Variants in ABR observed in about 807,000 individuals in gnomAD.
ABR encodes ABR activator of RhoGEF and GTPase.
Under a neutral mutation model 107.2 loss-of-function variants are expected in ABR, and 35 were observed. The observed-to-expected ratio is 0.33, with a 90% CI of 0.25 to 0.43. ABR has a LOEUF of 0.43. Among genes scored for constraint, ABR ranks in the 20% least tolerant of loss-of-function variants. The pLI is 1.00. For synonymous variants in ABR, 498 were observed against 462.0 expected, an observed-to-expected ratio of 1.08 and a Z score of -1.00; for missense variants, 815 against 1,115.2, an observed-to-expected ratio of 0.73 and a Z score of 3.83.
chr17:1,225,893 T>C (rs1471367077), intron 1 of ABR, among the ~76,000 whole-genome samples: 1 of 152,202 alleles, frequency 6.6e-6, no homozygotes, highest in Non-Finnish European at 1.5e-5. Context: ...ACAGGCAGTC[T>C]AGCTTCAGAA....
intron 4 of ABR, among the ~76,000 whole-genome samples, chr17:1,087,778 C>G (rs981072731): frequency 6.6e-6 from 1 of 152,158 alleles, no homozygotes; most frequent in Non-Finnish European, 1.5e-5. Context: ...CCTGGAGGCC[C>G]GGGTTGGCAC....
At chr17:1,100,862 C>T in intron 2 of ABR, 127 bp from the exon 3 acceptor site, 2 of 880,522 alleles carry the variant, frequency 2.3e-6, no homozygotes, top group Admixed American at 2.2e-5. Flanking sequence ...CTCGCTCTGT[C>T]ACCTAGGCTG....
chr17:1,145,368 C>G (rs1380252149), intron 1 of ABR, among the ~76,000 whole-genome samples: 5 of 152,254 alleles, frequency 3.3e-5, no homozygotes, highest in African/African-American at 1.2e-4. Flanking sequence ...CTTCCTGCTT[C>G]CCCTCCGAAC....
chr17:1,211,498 G>A (rs995552135), intron 1 of ABR, among the ~76,000 whole-genome samples: 6 of 151,960 alleles, frequency 3.9e-5, no homozygotes, highest in African/African-American at 1.5e-4. Context: ...AACAAAGCGT[G>A]AATCATAGGA....
chr17:1,196,328 G>A (rs2042564347), intron 1 of ABR, among the ~76,000 whole-genome samples: 1 of 151,946 alleles, frequency 6.6e-6, no homozygotes, highest in African/African-American at 2.4e-5. Context: ...TACTCGGGAG[G>A]CTGAGGCAGG....
In ABR at chr17:1,179,233, G is replaced by A. The variant is rs889844024; in HGVS notation, c.61+434C>T. ...TGGGGTGGCAAACTCGGGTGCCAAC[G>A]ACTGCTCCCAAAACGGCCTTTCGGC... is the stretch of plus-strand genomic sequence containing the variant. On this transcript the variant is annotated intron_variant, in intron 1 of 22. Transcript: ENST00000302538. The surrounding 1 kb of genome is among the most constrained non-coding windows in gnomAD (Gnocchi z 4.9). Among the ~76,000 whole-genome samples, 2 of 151,604 alleles carry A rather than the reference G, an allele frequency of 1.3e-5. No individual in the cohort carries two copies. The highest frequency in any genetic ancestry group is 4.8e-5 in the African/African-American group (2 of 41,290).
chr17:1,096,809 G>A (rs184861062), intron 3 of ABR, among the ~76,000 whole-genome samples: 4 of 147,640 alleles, frequency 2.7e-5, no homozygotes, highest in Non-Finnish European at 4.5e-5. Context: ...AACCTGCCCC[G>A]GGAGGAGAGA....
At chr17:1,204,123 G>T (rs1239291482) in intron 1 of ABR, among the ~76,000 whole-genome samples, 4 of 152,188 alleles carry the variant, frequency 2.6e-5, no homozygotes, top group Non-Finnish European at 5.9e-5. Flanking sequence ...TCCACCAGGG[G>T]CATCTTAGTC....
chr17:1,006,099 T>C lies in ABR; in HGVS notation c.2561A>G (p.Tyr854Cys). The C allele has an allele frequency of 6.3e-7, 1 of 1,576,676 alleles. No homozygotes were observed. Among genetic ancestry groups the C allele is most frequent in the South Asian group, 1.2e-5 (1 of 85,918 alleles). The change falls in exon 23 of 23, where the codon TAC becomes TGC. Residue 854 changes from tyrosine (Y) to cysteine (C), a missense_variant. This residue lies in a region of ABR where 34 missense variants were observed against 26.8 expected (regional missense o/e 1.27). Coordinates refer to ENST00000302538, the MANE Select transcript of ABR (RefSeq NM_021962.5). Reference sequence around the variant, plus strand: ...CTCGGGCTACACGTCGGTGGAGAAGTACAGTGTGTTCCGCTTGAGTTCTGC... The same window carrying C: ...CTCGGGCTACACGTCGGTGGAGAAGCACAGTGTGTTCCGCTTGAGTTCTGC... ...SFAELKRNTLYFSTDV is the reference protein window; with the variant it reads ...SFAELKRNTLCFSTDV
At position 1,125,348 on chromosome 17, in the gene ABR, G is replaced by C. The variant is rs753890821; in HGVS notation, c.81C>G (p.Asp27Glu). 2 of 1,613,560 alleles carry C rather than the reference G, an allele frequency of 1.2e-6. No individual in the cohort carries two copies. Among genetic ancestry groups the C allele is most frequent in the East Asian group, 2.2e-5 (1 of 44,880 alleles). ...CCTCATTCCCCTCTCCGTCGTACTC[G>C]TCCGTCCCGTAGCTGAAGTCTGAGA... ...TLYSNFSYGT[D>E]EYDGEGNEEQ... is the part of the protein sequence containing the mutation. Residue 27 changes from aspartate to glutamate, a missense_variant, in exon 2 of 23, where the codon GAC (aspartate) becomes GAG (glutamate). Physicochemically the swap from Asp to Glu is conservative, Grantham distance 45. This residue lies in a region of ABR where 129 missense variants were observed against 124.8 expected (regional missense o/e 1.03). Coordinates refer to ENST00000302538, the MANE Select transcript of ABR (RefSeq NM_021962.5).
Position 1,057,822 on chromosome 17 carries a change from C to A in ABR, c.1381+148G>T, listed in dbSNP as rs2033509516. On this transcript the variant is annotated intron_variant, in intron 12 of 22. Coordinates refer to ENST00000302538, the MANE Select transcript of ABR (RefSeq NM_021962.5). The stretch of plus-strand genomic sequence containing the variant: ...TAGATTCTTTGGGTCTCAATTAATC[C>A]GTAACATCCTTAAACGCTCACCCTG... 7.5e-6 allele frequency: 5 copies of A among 665,718 alleles called. No individual in the cohort carries two copies. In the South Asian group the frequency reaches 8.6e-5, roughly 12 times the overall value. 41.2% of individuals were successfully genotyped at this position (665,718 alleles called of 1,614,324 possible).
At chr17:1,023,087 A>G (rs900067632) in intron 16 of ABR, among the ~76,000 whole-genome samples, 5 of 144,836 alleles carry the variant, frequency 3.5e-5, no homozygotes, top group South Asian at 4.4e-4. Flanking sequence ...CCCCACGTCC[A>G]CTGCAGAGCC....
At chr17:1,189,406 A>G (rs1269524724), upstream of ABR, among the ~76,000 whole-genome samples, 1 of 148,076 alleles carries the variant, frequency 6.8e-6, no homozygotes, top group Non-Finnish European at 1.5e-5. Context: ...CTGGAGTGCA[A>G]TGGTGCAATC....
At chr17:1,049,365 G>A (rs535532083) in intron 16 of ABR, among the ~76,000 whole-genome samples, 11 of 151,872 alleles carry the variant, frequency 7.2e-5, no homozygotes, top group African/African-American at 2.7e-4. Context: ...ATGGGGTTTC[G>A]CCATGTTGGC....
intron 1 of ABR, among the ~76,000 whole-genome samples, chr17:1,196,468 A>T (rs1014823887): frequency 1.7e-4 from 26 of 152,128 alleles, no homozygotes; most frequent in Non-Finnish European, 1.0e-4. Flanking sequence ...AATTTAGAAA[A>T]GATTTCTTAG....
intron 16 of ABR, chr17:1,031,744 C>A (rs913703559): frequency 8.1e-7 from 1 of 1,235,450 alleles, no homozygotes; most frequent in Non-Finnish European, 1.0e-6. Context: ...TCGGTCATGC[C>A]GGGGGGGACG....
chr17:1,203,480 G>A (rs1160330658), intron 1 of ABR, among the ~76,000 whole-genome samples: 1 of 107,752 alleles, frequency 9.3e-6, no homozygotes, highest in African/African-American at 3.5e-5. Context: ...AGTCTGCGGG[G>A]GCGGGGCCCG....
At chr17:1,217,492 A>G (rs1258427465) in intron 1 of ABR, among the ~76,000 whole-genome samples, 1 of 152,168 alleles carries the variant, frequency 6.6e-6, no homozygotes, top group Admixed American at 6.6e-5. Context: ...GGTTCAAGGT[A>G]TGTTATATAC....
chr17:1,009,457 C>T (rs1373960712), intron 21 of ABR, among the ~76,000 whole-genome samples: 1 of 152,172 alleles, frequency 6.6e-6, no homozygotes, highest in African/African-American at 2.4e-5. Flanking sequence ...TTTCTCAAAA[C>T]AGAAAAACAT....
Sources: gnomAD v4.1 joint callset for allele counts (sites outside exome capture counted in the v4.1 genomes callset) on GRCh38, gnomAD v4.1.1 for gene constraint, gnomAD v4.1.1 regional missense constraint, Gnocchi (gnomAD v3.1) non-coding constraint, MANE v1.5 for transcripts, NCBI Gene and HGNC (gene_info 2026-07-23, HGNC 2026-07-21) for gene names.